SH3KBP1: variants seen among roughly 807,000 people sequenced by gnomAD.
SH3KBP1 encodes SH3 domain containing kinase binding protein 1.
In SH3KBP1, 8 loss-of-function variants were observed where a neutral mutation model predicts 50.1. That is an observed-to-expected ratio of 0.16 (90% confidence interval 0.09 to 0.29). The LOEUF (loss-of-function observed/expected upper bound fraction) is 0.29. Among genes scored for constraint, SH3KBP1 ranks in the 10% least tolerant of loss-of-function variants. The pLI, the probability that SH3KBP1 is intolerant of heterozygous loss-of-function variation, is 1.00. For synonymous variants in SH3KBP1, 227 were observed against 218.6 expected (o/e 1.04, Z -0.34); for missense variants, 377 against 535.2 (o/e 0.70, Z 2.92).
At chrX:19,871,999 C>A (rs1241475000) in intron 1 of SH3KBP1, among the ~76,000 whole-genome samples, 1 of 110,172 alleles carries the variant, frequency 9.1e-6, no homozygotes, top group African/African-American at 3.3e-5. Context: ...CGCCTGTAAT[C>A]CCAGCACTTT....
At position 19,635,368 on chromosome X, in the gene SH3KBP1, T is replaced by C. The variant is rs919000121; in HGVS notation, c.803-3410A>G. On this transcript the variant is annotated intron_variant, in intron 7 of 17. Coordinates refer to ENST00000397821, the MANE Select transcript of SH3KBP1 (RefSeq NM_031892.3). ...CTCACTCATAAGTGGGAGTTGAACA[T>C]TGAGAATACATGGACACAGAGAGGG... Among the ~76,000 whole-genome samples the C allele has an allele frequency of 1.6e-4, 17 of 106,947 alleles. No individual in the cohort carries two copies. In the East Asian group the frequency reaches 1.8e-3, roughly 11 times the overall value. 92.9% of individuals were successfully genotyped at this position (106,947 alleles called of 115,157 possible). A position where few individuals can be genotyped will look rare whatever the true frequency, so the allele number is the denominator to read the frequency against.
chrX:19,785,200 T>C (rs1389119757), intron 2 of SH3KBP1, among the ~76,000 whole-genome samples: 1 of 110,015 alleles, frequency 9.1e-6, no homozygotes, highest in Non-Finnish European at 1.9e-5. Flanking sequence ...ATGCTGCCCT[T>C]GGTCACAAAA....
chrX:19,681,492 A>G (rs2063051260), intron 6 of SH3KBP1, among the ~76,000 whole-genome samples: 1 of 112,864 alleles, frequency 8.9e-6, no homozygotes, highest in African/African-American at 3.2e-5. Flanking sequence ...AGAATAGATT[A>G]GCAAACAAAA....
chrX:19,741,488 C>T (rs2064767563), intron 3 of SH3KBP1, among the ~76,000 whole-genome samples: 2 of 112,395 alleles, frequency 1.8e-5, no homozygotes, highest in African/African-American at 6.5e-5. Flanking sequence ...CTATAAAATA[C>T]ATTTTGTATC....
intron 9 of SH3KBP1, among the ~76,000 whole-genome samples, chrX:19,598,739 CACA>C (rs959705898): frequency 2.7e-5 from 3 of 111,337 alleles, no homozygotes; most frequent in Admixed American, 9.6e-5. Flanking sequence ...TCAGAACACA[CACA>C]ACATCGATCA....
At chrX:19,591,198 G>A (rs1023035801) in intron 11 of SH3KBP1, among the ~76,000 whole-genome samples, 4 of 110,569 alleles carry the variant, frequency 3.6e-5, no homozygotes, top group African/African-American at 1.3e-4. Context: ...GGCCACCAAG[G>A]AGCACCTCCA....
rs188748026 is a variant in SH3KBP1 at position 19,762,133 on chromosome X, C to A, written c.163-15692G>T. On this transcript the variant is annotated intron_variant, in intron 2 of 17. Transcript: ENST00000397821. ...CTAACCGACTCCATCTTGCTTCTAA[C>A]CTTTAAGCTGTCCCTGTTCGTTCCT... Among the ~76,000 whole-genome samples, 36 of 112,842 alleles carry A rather than the reference C, an allele frequency of 3.2e-4. No homozygotes were observed. In the East Asian group the frequency reaches 4.7e-3, roughly 15 times the overall value.
intron 16 of SH3KBP1, among the ~76,000 whole-genome samples, chrX:19,540,976 A>G (rs5909310): frequency 0.4 from 43,375 of 108,367 alleles, 9,727 homozygotes; most frequent in African/African-American, 0.86. Context: ...GTGCAGTGGC[A>G]CAATCTTGGC....
chrX:19,832,011 A>C (rs2067911952), intron 2 of SH3KBP1, among the ~76,000 whole-genome samples: 1 of 112,003 alleles, frequency 8.9e-6, no homozygotes, highest in Non-Finnish European at 1.9e-5. Flanking sequence ...AATTTTCAAT[A>C]ATAGGCCTAA....
At chrX:19,556,591 G>A (rs1374176171) in intron 13 of SH3KBP1, among the ~76,000 whole-genome samples, 1 of 112,191 alleles carries the variant, frequency 8.9e-6, no homozygotes, top group Non-Finnish European at 1.9e-5. Flanking sequence ...GAGATCAGCT[G>A]TTGTGTTTTC....
intron 3 of SH3KBP1, among the ~76,000 whole-genome samples, chrX:19,717,607 T>TG (rs2063945202): frequency 9.0e-6 from 1 of 111,348 alleles, no homozygotes; most frequent in Admixed American, 9.5e-5. Context: ...CAAAAGTCAA[T>TG]GCCATCTGGA....
intron 2 of SH3KBP1, among the ~76,000 whole-genome samples, chrX:19,790,508 A>G (rs2066499036): frequency 8.9e-6 from 1 of 111,805 alleles, no homozygotes; most frequent in African/African-American, 3.3e-5. Context: ...CGTTCCAAAC[A>G]CCCAGCCAGA....
rs397973698 is a variant in SH3KBP1, at chrX:19,670,839, C to CAAAAAAA, written c.726+12977_726+12983dup. The CAAAAAAA allele has an allele frequency of 1.3e-3, 1,337 of 990,494 alleles. 9 individuals are homozygous for CAAAAAAA. The highest frequency in any genetic ancestry group is 1.8e-3 in the African/African-American group (52 of 28,926). 81.6% of individuals were successfully genotyped at this position (990,494 alleles called of 1,213,427 possible). On this transcript the variant is annotated intron_variant, in intron 6 of 17. Coordinates refer to ENST00000397821, the MANE Select transcript of SH3KBP1 (RefSeq NM_031892.3). ...ACTGGATTTATTACAACTCTAAAAG[C>CAAAAAAA]AAAAAAAAAAAAAAAGAAATACCTC...
At chrX:19,812,275 CTG>C (rs1418229261) in intron 2 of SH3KBP1, among the ~76,000 whole-genome samples, 3 of 111,279 alleles carry the variant, frequency 2.7e-5, no homozygotes, top group Non-Finnish European at 1.9e-5. Flanking sequence ...CCACAAATAA[CTG>C]TGTGTTTGTG....
At chrX:19,751,164 T>C (rs1233104013) in intron 2 of SH3KBP1, among the ~76,000 whole-genome samples, 2 of 112,242 alleles carry the variant, frequency 1.8e-5, no homozygotes, top group Admixed American at 1.9e-4. Context: ...AAGTCCCTTA[T>C]TATCCATCCA....
At chrX:19,611,475 T>TC (rs2067414816) in intron 8 of SH3KBP1, among the ~76,000 whole-genome samples, 1 of 111,851 alleles carries the variant, frequency 8.9e-6, no homozygotes, top group Admixed American at 9.4e-5. Flanking sequence ...TGCCTCAGCC[T>TC]CCCAAGTAGC....
chrX:19,883,366 TTC>T (rs1300984634), intron 1 of SH3KBP1, among the ~76,000 whole-genome samples: 1 of 112,725 alleles, frequency 8.9e-6, no homozygotes, highest in Non-Finnish European at 1.9e-5. Context: ...GACTTCATGG[TTC>T]TCAGCAGCTT....
At chrX:19,843,008 CTTTTTTTTTTTTTT>C (rs1208728077) in intron 1 of SH3KBP1, among the ~76,000 whole-genome samples, 1 of 65,182 alleles carries the variant, frequency 1.5e-5, no homozygotes, top group African/African-American at 8.7e-5. Context: ...CGTGCATCAA[CTTTTTTTTTTTTTT>C]TTTTTTTTTT....
intron 2 of SH3KBP1, among the ~76,000 whole-genome samples, chrX:19,782,705 A>T (rs1200051761): frequency 8.9e-6 from 1 of 112,180 alleles, no homozygotes; most frequent in African/African-American, 3.2e-5. Context: ...CCGCTCTGAC[A>T]GTTCATGAGG....
Sources: gnomAD v4.1 joint callset for allele counts (sites outside exome capture counted in the v4.1 genomes callset) on GRCh38, gnomAD v4.1.1 for gene constraint, MANE v1.5 for transcripts, NCBI Gene and HGNC (gene_info 2026-07-23, HGNC 2026-07-21) for gene names.